GALNTL6: variants seen among roughly 807,000 people sequenced by gnomAD.
The protein encoded by GALNTL6 is polypeptide N-acetylgalactosaminyltransferase like 6, also known as polypeptide N-acetylgalactosaminyltransferase-like 6.
A neutral mutation model predicts 73.7 loss-of-function variants in GALNTL6; 46 were observed. The ratio of observed to expected loss-of-function variants is 0.62; its 90% CI spans 0.49 to 0.80. The LOEUF is 0.80. Ranked by LOEUF, GALNTL6 falls within the 30% of genes least tolerant of loss-of-function variation. The probability of loss-of-function intolerance (pLI) is 0.00; values close to 1 mark genes in which losing one functional copy is unlikely to be tolerated. For synonymous variants in GALNTL6, 259 were observed against 263.7 expected, an observed-to-expected ratio of 0.98 and a Z score of 0.17; for missense variants, 604 against 755.0, an observed-to-expected ratio of 0.80 and a Z score of 2.34.
At chr4:172,657,718 C>T (rs943324362) in intron 5 of GALNTL6, among the ~76,000 whole-genome samples, 5 of 152,078 alleles carry the variant, frequency 3.3e-5, no homozygotes, top group Non-Finnish European at 7.4e-5. Flanking sequence ...GTAAAATTTG[C>T]GGGTGTGGAC....
chr4:172,964,237 G>T (rs187636783), intron 10 of GALNTL6, among the ~76,000 whole-genome samples: 2 of 152,110 alleles, frequency 1.3e-5, no homozygotes, highest in South Asian at 2.1e-4. Context: ...TATTATTTTC[G>T]CCTTCTCCTC....
At position 171,938,312 on chromosome 4, in the gene GALNTL6, C is replaced by A. The variant is rs531112459; in HGVS notation, c.138+123594C>A. Among the ~76,000 whole-genome samples, 4 of 152,204 alleles carry A rather than the reference C, an allele frequency of 2.6e-5. No individual in the cohort carries two copies. The South Asian group carries it at 6.2e-4, about 24-fold the overall frequency. ...ATTACTGAATACAGAATTTCTATAG[C>A]CTCTGCCTCTTGTTTGAAGTTGTGA... On this transcript the variant is annotated intron_variant, in intron 2 of 12. Coordinates refer to ENST00000506823, the MANE Select transcript of GALNTL6 (RefSeq NM_001034845.3).
intron 2 of GALNTL6, among the ~76,000 whole-genome samples, chr4:171,904,989 AG>A (rs1311441229): frequency 6.6e-6 from 1 of 152,194 alleles, no homozygotes; most frequent in African/African-American, 2.4e-5. Flanking sequence ...CAGCTCCTGA[AG>A]GAAGCGCTAA....
At chr4:172,127,594 C>T (rs1733338284) in intron 2 of GALNTL6, among the ~76,000 whole-genome samples, 1 of 152,212 alleles carries the variant, frequency 6.6e-6, no homozygotes, top group Non-Finnish European at 1.5e-5. Context: ...TCTGATAACT[C>T]TTTTTCTAGC....
chr4:172,126,967 G>C (rs909970998), intron 2 of GALNTL6, among the ~76,000 whole-genome samples: 2 of 152,186 alleles, frequency 1.3e-5, no homozygotes, highest in African/African-American at 2.4e-5. Context: ...ACATTTTCAC[G>C]TGCCTCAAGG....
intron 2 of GALNTL6, among the ~76,000 whole-genome samples, chr4:171,892,742 T>A: frequency 6.6e-6 from 1 of 152,010 alleles, no homozygotes; most frequent in Middle Eastern, 3.2e-3. Context: ...TTTAAAAAAA[T>A]TTGTATAGAC....
At chr4:172,559,608 G>A (rs1001630269) in intron 5 of GALNTL6, among the ~76,000 whole-genome samples, 6 of 152,124 alleles carry the variant, frequency 3.9e-5, no homozygotes, top group Non-Finnish European at 7.4e-5. Context: ...CATGAATACT[G>A]TTCCTTTGAA....
chr4:172,295,296 C>T (rs974102997), intron 3 of GALNTL6, among the ~76,000 whole-genome samples: 11 of 151,886 alleles, frequency 7.2e-5, no homozygotes, highest in African/African-American at 2.7e-4. Flanking sequence ...GTAGCTGATG[C>T]CTGTAATCAC....
chr4:172,298,337 C>T (rs1739767814), intron 3 of GALNTL6, among the ~76,000 whole-genome samples: 1 of 152,090 alleles, frequency 6.6e-6, no homozygotes, highest in Non-Finnish European at 1.5e-5. Flanking sequence ...TAATTGAATA[C>T]CCTTCATTTC....
intron 3 of GALNTL6, among the ~76,000 whole-genome samples, chr4:172,263,342 T>G (rs1192049295): frequency 6.6e-6 from 1 of 151,330 alleles, no homozygotes; most frequent in Non-Finnish European, 1.5e-5. Context: ...GTCTTTGTCT[T>G]ATTGGGTTGA....
In GALNTL6 at chr4:172,809,539, A is replaced by G. The variant is rs779980183; in HGVS notation, c.732A>G (p.Pro244=). The G allele has an allele frequency of 1.9e-6, 3 of 1,610,412 alleles. No individual in the cohort carries two copies. The highest frequency in any genetic ancestry group is 1.1e-5 in the South Asian group (1 of 90,456). Residue 244 remains proline, a synonymous_variant, in exon 6 of 13, where the codon CCA becomes CCG. Coordinates refer to ENST00000506823, the MANE Select transcript of GALNTL6 (RefSeq NM_001034845.3). This position sits in a 1 kb window ranked among gnomAD's most constrained non-coding sequence, Gnocchi z 4.4. The part of the protein sequence containing the change: ...HCEVNVNWLP[P]LLNQIALNHK... ...AGGTCAATGTGAACTGGCTGCCCCC[A>G]CTCCTCAGTGAGTACAGGTTGCTAA...
chr4:171,893,426 A>C (rs1736817013), intron 2 of GALNTL6, among the ~76,000 whole-genome samples: 1 of 152,214 alleles, frequency 6.6e-6, no homozygotes, highest in South Asian at 2.1e-4. Flanking sequence ...TTTCTCAGTA[A>C]AATGAATAAT....
chr4:172,897,176 G>T (rs142727560), intron 8 of GALNTL6, among the ~76,000 whole-genome samples: 48 of 152,316 alleles, frequency 3.2e-4, no homozygotes, highest in African/African-American at 9.9e-4. Context: ...ATGGGTAGAG[G>T]CTGGAAAGCC....
chr4:172,781,641 AAAATTCTACGTAGCTGC>A (rs1174612246), intron 5 of GALNTL6, among the ~76,000 whole-genome samples: 1 of 152,150 alleles, frequency 6.6e-6, no homozygotes, highest in Non-Finnish European at 1.5e-5. Flanking sequence ...ACGGATTTCC[AAAATTCTACGTAGCTGC>A]AAATAGAAAG....
intron 5 of GALNTL6, among the ~76,000 whole-genome samples, chr4:172,660,028 G>A (rs773041628): frequency 1.3e-5 from 2 of 152,170 alleles, no homozygotes; most frequent in Non-Finnish European, 2.9e-5. Context: ...GGGCTATTCT[G>A]CCTTCCATCA....
chr4:172,028,024 G>A (rs1741644062), intron 2 of GALNTL6, among the ~76,000 whole-genome samples: 1 of 152,068 alleles, frequency 6.6e-6, no homozygotes, highest in South Asian at 2.1e-4. Context: ...TTACCCAGAA[G>A]ATCTAGCTAG....
At chr4:171,966,324 A>G (rs1348876886) in intron 2 of GALNTL6, among the ~76,000 whole-genome samples, 1 of 152,144 alleles carries the variant, frequency 6.6e-6, no homozygotes, top group Non-Finnish European at 1.5e-5. Context: ...TAGTGTGCCA[A>G]GTGGAGTTAA....
intron 8 of GALNTL6, among the ~76,000 whole-genome samples, chr4:172,905,498 T>C (rs1746836315): frequency 6.6e-6 from 1 of 152,138 alleles, no homozygotes; most frequent in African/African-American, 2.4e-5. Context: ...ACAGAGCATT[T>C]AGTTCTAAAG....
intron 4 of GALNTL6, among the ~76,000 whole-genome samples, chr4:172,333,230 A>C (rs1265638611): frequency 6.6e-6 from 1 of 151,750 alleles, no homozygotes; most frequent in African/African-American, 2.4e-5. Context: ...ACATGGAGAA[A>C]CCTCCTCTCT....
Sources: allele counts gnomAD v4.1 joint callset (sites outside exome capture counted in the v4.1 genomes callset), GRCh38; gene constraint gnomAD v4.1.1; non-coding constraint Gnocchi (gnomAD v3.1); transcripts MANE v1.5; gene names NCBI Gene and HGNC (gene_info 2026-07-23, HGNC 2026-07-21).